BACH2: variants seen among roughly 807,000 people sequenced by gnomAD.
BACH2 encodes transcription regulator protein BACH2.
In BACH2, 5 loss-of-function variants were observed where a neutral mutation model predicts 61.8. That is an observed-to-expected ratio of 0.08 (90% CI 0.04 to 0.17). The LOEUF is 0.17. Ranked by LOEUF, BACH2 falls within the 10% of genes least tolerant of loss-of-function variation. The pLI, the probability that BACH2 is intolerant of heterozygous loss-of-function variation, is 1.00. For synonymous variants in BACH2, 446 were observed against 440.1 expected (o/e 1.01, Z -0.17); for missense variants, 824 against 1,091.1 (o/e 0.76, Z 3.45).
rs779642556 is a variant in BACH2 at position 90,008,604 on chromosome 6, C to T, written c.241G>A (p.Glu81Lys). The T allele has an allele frequency of 2.5e-6, 4 of 1,614,116 alleles. No individual in the cohort carries two copies. The highest frequency in any genetic ancestry group is 3.4e-6 in the Non-Finnish European group (4 of 1,180,040). Residue 81 changes from glutamate to lysine, a missense_variant and splice_region_variant, in exon 6 of 9, where the codon GAG becomes AAG. By Grantham distance (56) the Glu-to-Lys change is moderately conservative. Around this residue, in one of 8 missense-constraint regions of BACH2, gnomAD observed 66 missense variants for 144.8 expected, o/e 0.46. Transcript: ENST00000257749. The surrounding 1 kb of genome is among the most constrained non-coding windows in gnomAD (Gnocchi z 4.1). Reference protein sequence around the residue: ...KNDLVVSLPEEVTARGFGPLL... With the variant: ...KNDLVVSLPEKVTARGFGPLL... ...TCACACAAACCAAATTACTGTACCT[C>T]CTCAGGCAAGCTGACCACCAAATCA...
At chr6:90,234,870 C>A (rs1770208436) in intron 3 of BACH2, among the ~76,000 whole-genome samples, 1 of 152,170 alleles carries the variant, frequency 6.6e-6, no homozygotes, top group Non-Finnish European at 1.5e-5. Flanking sequence ...CCAAATCCCA[C>A]CTTTGGCACT....
chr6:90,024,909 C>T (rs1778556663), intron 5 of BACH2, among the ~76,000 whole-genome samples: 1 of 152,108 alleles, frequency 6.6e-6, no homozygotes, highest in South Asian at 2.1e-4. Context: ...AAACAGTGCT[C>T]TGGTGTGCAG....
At chr6:90,095,789 C>CCAT (rs1322545427) in intron 4 of BACH2, among the ~76,000 whole-genome samples, 4 of 151,722 alleles carry the variant, frequency 2.6e-5, no homozygotes, top group Non-Finnish European at 5.9e-5. Flanking sequence ...TCCACCACCA[C>CCAT]CACCACTGCC....
intron 7 of BACH2, among the ~76,000 whole-genome samples, chr6:89,944,699 G>A (rs1339779567): frequency 5.9e-5 from 8 of 135,702 alleles, no homozygotes; most frequent in Admixed American, 3.1e-4. Context: ...TCTCTCTCCC[G>A]CCCCCTGCCT....
At chr6:90,162,213 A>G (rs1032640622) in intron 4 of BACH2, among the ~76,000 whole-genome samples, 5 of 152,248 alleles carry the variant, frequency 3.3e-5, no homozygotes, top group African/African-American at 9.6e-5. Context: ...TAAATGTTGA[A>G]TAAGTCAATG....
At chr6:90,247,247 T>C (rs1246837111) in intron 3 of BACH2, among the ~76,000 whole-genome samples, 1 of 140,446 alleles carries the variant, frequency 7.1e-6, no homozygotes, top group East Asian at 2.0e-4. Flanking sequence ...CTTCTTCTTC[T>C]TTTTTTTTTT....
chr6:90,276,566 T>C (rs966261279), intron 1 of BACH2, among the ~76,000 whole-genome samples: 4 of 152,252 alleles, frequency 2.6e-5, no homozygotes, highest in Admixed American at 6.5e-5. Flanking sequence ...GTATTTATAA[T>C]TGCCTTCTTT....
At chr6:90,189,059 G>T (rs1441009949) in intron 4 of BACH2, among the ~76,000 whole-genome samples, 2 of 152,104 alleles carry the variant, frequency 1.3e-5, no homozygotes, top group African/African-American at 4.8e-5. Context: ...GAGAGTAAAT[G>T]GCTGTGAAAC....
intron 7 of BACH2, among the ~76,000 whole-genome samples, chr6:89,947,491 T>C (rs1370685719): frequency 6.6e-6 from 1 of 152,208 alleles, no homozygotes; most frequent in Non-Finnish European, 1.5e-5. Flanking sequence ...AGAGGGGCTA[T>C]GTTTTCCAAA....
chr6:90,140,891 C>G (rs114226899), intron 4 of BACH2, among the ~76,000 whole-genome samples: 2,760 of 152,266 alleles, frequency 0.018, 86 homozygotes, highest in African/African-American at 0.064. Context: ...CTCAGCAATT[C>G]TATTTCTAGA....
chr6:90,015,204 AC>A (rs1302229242), intron 5 of BACH2, among the ~76,000 whole-genome samples: 1 of 152,112 alleles, frequency 6.6e-6, no homozygotes, highest in Non-Finnish European at 1.5e-5. Context: ...TAGAGGCTTA[AC>A]CATTTTACTG....
chr6:90,262,669 T>G (rs751614900), intron 2 of BACH2, among the ~76,000 whole-genome samples: 8 of 152,222 alleles, frequency 5.3e-5, no homozygotes, highest in Non-Finnish European at 1.0e-4. Context: ...CAACATTACA[T>G]GCACACACTG....
intron 4 of BACH2, among the ~76,000 whole-genome samples, chr6:90,119,939 C>CA (rs1783555645): frequency 1.3e-5 from 2 of 152,168 alleles, no homozygotes; most frequent in African/African-American, 4.8e-5. Flanking sequence ...GTCAGGGGAC[C>CA]ATTAAGGACC....
intron 4 of BACH2, among the ~76,000 whole-genome samples, chr6:90,152,702 G>A (rs1490878897): frequency 1.3e-5 from 2 of 152,166 alleles, no homozygotes; most frequent in African/African-American, 2.4e-5. Context: ...CATTTAGTCT[G>A]CTTAATGCTT....
chr6:90,178,504 G>C (rs546077311), intron 4 of BACH2, among the ~76,000 whole-genome samples: 1 of 152,086 alleles, frequency 6.6e-6, no homozygotes, highest in Non-Finnish European at 1.5e-5. Context: ...TGTACTCCTC[G>C]CTCCTATTTA....
At chr6:90,083,283 T>C (rs1006598888) in intron 5 of BACH2, among the ~76,000 whole-genome samples, 6 of 152,214 alleles carry the variant, frequency 3.9e-5, no homozygotes, top group South Asian at 2.1e-4. Context: ...CTACAACTGA[T>C]GTCACTGGGC....
intron 3 of BACH2, among the ~76,000 whole-genome samples, chr6:90,208,995 T>C (rs765547627): frequency 3.6e-5 from 5 of 140,634 alleles, no homozygotes; most frequent in African/African-American, 1.1e-4. Flanking sequence ...TAAGTGGGAG[T>C]TGAACAATGA....
At chr6:90,077,129 A>G (rs1781505947) in intron 5 of BACH2, among the ~76,000 whole-genome samples, 1 of 152,174 alleles carries the variant, frequency 6.6e-6, no homozygotes, top group Non-Finnish European at 1.5e-5. Flanking sequence ...GCAGTTTTGC[A>G]GGAAGGAGCA....
intron 5 of BACH2, among the ~76,000 whole-genome samples, chr6:90,057,081 A>T (rs562523900): frequency 1.6e-3 from 244 of 152,320 alleles, no homozygotes; most frequent in African/African-American, 5.4e-3. Context: ...GCAAGAGCAA[A>T]CACATTCAAA....
Sources: allele counts gnomAD v4.1 joint callset (sites outside exome capture counted in the v4.1 genomes callset), GRCh38; gene constraint gnomAD v4.1.1; regional missense constraint gnomAD v4.1.1; non-coding constraint Gnocchi (gnomAD v3.1); transcripts MANE v1.5; gene names NCBI Gene and HGNC (gene_info 2026-07-23, HGNC 2026-07-21).